ATG5: variants seen among roughly 807,000 people sequenced by gnomAD.
ATG5 encodes autophagy protein 5.
A neutral mutation model predicts 36.5 loss-of-function variants in ATG5; 14 were observed. The ratio of observed to expected loss-of-function variants is 0.38; its 90% confidence interval spans 0.25 to 0.60. The LOEUF (loss-of-function observed/expected upper bound fraction) is 0.60. Among genes scored for constraint, ATG5 ranks in the 20% least tolerant of loss-of-function variants. ATG5 has a pLI of 0.60. For synonymous variants in ATG5, 95 were observed against 101.5 expected (o/e 0.94, Z 0.38); for missense variants, 195 against 326.7 (o/e 0.60, Z 3.11).
intron 1 of ATG5, among the ~76,000 whole-genome samples, chr6:106,320,019 A>G (rs1771002112): frequency 6.6e-6 from 1 of 152,282 alleles, no homozygotes; most frequent in Non-Finnish European, 1.5e-5. Flanking sequence ...ACATTACCTC[A>G]CATGTGATAC....
chr6:106,245,571 G>A (rs978502495), intron 6 of ATG5, among the ~76,000 whole-genome samples: 9 of 152,182 alleles, frequency 5.9e-5, no homozygotes, highest in Admixed American at 2.0e-4. Context: ...TCCTAAGATG[G>A]TTTTGAGGCT....
At chr6:106,324,349 T>C (rs1771212818) in intron 1 of ATG5, among the ~76,000 whole-genome samples, 1 of 152,222 alleles carries the variant, frequency 6.6e-6, no homozygotes, top group Non-Finnish European at 1.5e-5. Flanking sequence ...GCATAGGTTA[T>C]CTGCAAACAC....
chr6:106,188,517 T>C (rs1325618359), intron 7 of ATG5, among the ~76,000 whole-genome samples: 1 of 152,130 alleles, frequency 6.6e-6, no homozygotes, highest in Non-Finnish European at 1.5e-5. Context: ...TCTAAAGCAA[T>C]ATTTAAACAT....
At chr6:106,271,884 TG>T (rs1417080956) in intron 5 of ATG5, among the ~76,000 whole-genome samples, 2 of 152,368 alleles carry the variant, frequency 1.3e-5, no homozygotes, top group African/African-American at 4.8e-5. Context: ...ATTAGTTCTC[TG>T]GAAGTGCCTA....
At chr6:106,269,602 G>A (rs377341368) in intron 5 of ATG5, among the ~76,000 whole-genome samples, 1 of 152,218 alleles carries the variant, frequency 6.6e-6, no homozygotes, top group Non-Finnish European at 1.5e-5. Context: ...CCGGTGGGCC[G>A]TCACTGCTGG....
At chr6:106,301,911 A>G (rs1770225130) in intron 3 of ATG5, among the ~76,000 whole-genome samples, 1 of 152,078 alleles carries the variant, frequency 6.6e-6, no homozygotes, top group East Asian at 1.9e-4. Context: ...TGAGATACAA[A>G]AAGGTCAAAT....
Position 106,197,774 on chromosome 6 carries a change from G to A in ATG5, c.691+4198C>T, listed in dbSNP as rs529319102. On this transcript the variant is annotated intron_variant, in intron 7 of 7. Transcript: ENST00000369076. ...TGCCCAATCTCCAGGCAGTAGAGCTGTGAGTTAAATAAACCTTTTTTCTTT... is the reference window on the plus strand; with the variant it reads ...TGCCCAATCTCCAGGCAGTAGAGCTATGAGTTAAATAAACCTTTTTTCTTT... 4.3e-4 allele frequency among the ~76,000 whole-genome samples: 65 copies of A among 152,272 alleles called. 2 individuals are homozygous for A. In the South Asian group the frequency reaches 1.0e-2, roughly 23 times the overall value.
intron 6 of ATG5, among the ~76,000 whole-genome samples, chr6:106,235,691 C>A (rs533777343): frequency 3.9e-5 from 6 of 152,150 alleles, no homozygotes; most frequent in Non-Finnish European, 7.4e-5. Context: ...GAGAGCACAG[C>A]GGGAAGGACA....
At chr6:106,307,248 G>A (rs968080307) in intron 3 of ATG5, among the ~76,000 whole-genome samples, 1 of 152,050 alleles carries the variant, frequency 6.6e-6, no homozygotes, top group Non-Finnish European at 1.5e-5. Flanking sequence ...AATATTCCCC[G>A]ATTCAGAGAG....
intron 2 of ATG5, among the ~76,000 whole-genome samples, chr6:106,309,832 T>C (rs897947273): frequency 6.6e-6 from 1 of 152,170 alleles, no homozygotes; most frequent in Non-Finnish European, 1.5e-5. Flanking sequence ...ATAAGGTCTC[T>C]TTTAGCAAAC....
Position 106,316,269 on chromosome 6 carries a change from G to A in ATG5, c.-58-3C>T. On this transcript the variant is annotated splice_polypyrimidine_tract_variant and splice_region_variant and intron_variant, in intron 1 of 7. Transcript: ENST00000369076. The stretch of plus-strand genomic sequence containing the variant: ...TTCTTATTTCAACCAAAGCCAAACT[G>A]AAAATAAAATGAAGAGCATTAGTCA... The A allele has an allele frequency of 7.6e-7, 1 of 1,315,874 alleles. No individual in the cohort carries two copies. Among genetic ancestry groups the A allele is most frequent in the Non-Finnish European group, 1.1e-6 (1 of 926,172 alleles). 81.5% of individuals were successfully genotyped at this position (1,315,874 alleles called of 1,614,324 possible).
intron 6 of ATG5, among the ~76,000 whole-genome samples, chr6:106,205,501 G>T (rs1776595089): frequency 6.6e-6 from 1 of 151,998 alleles, no homozygotes; most frequent in African/African-American, 2.4e-5. Context: ...TATAGCAAAA[G>T]ATTACATGTA....
intron 7 of ATG5, 104 bp from the exon 8 acceptor site, chr6:106,186,780 CAT>C (rs1775787667): frequency 3.0e-6 from 4 of 1,322,588 alleles, no homozygotes; most frequent in East Asian, 4.9e-5. Context: ...GGATTTTAAA[CAT>C]GTTTTGTCCC....
intron 6 of ATG5, among the ~76,000 whole-genome samples, chr6:106,230,446 A>G (rs1425601182): frequency 6.6e-6 from 1 of 152,214 alleles, no homozygotes; most frequent in Non-Finnish European, 1.5e-5. Context: ...ACTAGAATCC[A>G]GCAGCCCGGA....
rs1449461209 is a variant in ATG5 at position 106,316,039 on chromosome 6, A to C, written c.108+62T>G. On this transcript the variant is annotated intron_variant, in intron 2 of 7. Transcript: ENST00000369076. Reference sequence around the variant, plus strand: ...TACATAATGGCCTCCAAGTTCTTACAGCTTTTTCTTACAAAAATGGACAAG... The same window carrying C: ...TACATAATGGCCTCCAAGTTCTTACCGCTTTTTCTTACAAAAATGGACAAG... 7 of 1,380,140 alleles carry C rather than the reference A, an allele frequency of 5.1e-6. No homozygotes were observed. The East Asian group carries it at 1.7e-4, about 33-fold the overall frequency. The allele number at this position is 1,380,140 out of a possible 1,614,324, so 85.5% of individuals were successfully genotyped here.
intron 7 of ATG5, among the ~76,000 whole-genome samples, chr6:106,195,809 A>C (rs985054360): frequency 2.6e-5 from 1 of 37,902 alleles, no homozygotes; most frequent in Non-Finnish European, 5.6e-5. Flanking sequence ...GCTCCCCTCT[A>C]AAAAAAAAAA....
chr6:106,316,942 T>A (rs1770874551), intron 1 of ATG5, among the ~76,000 whole-genome samples: 1 of 152,166 alleles, frequency 6.6e-6, no homozygotes, highest in Admixed American at 6.5e-5. Context: ...CCTCTCTCAC[T>A]TATTCAAATC....
Position 106,316,284 on chromosome 6 carries a change from A to G in ATG5, c.-58-18T>C. 1 of 1,081,758 alleles carries G rather than the reference A, an allele frequency of 9.2e-7. No homozygotes were observed. The highest frequency in any genetic ancestry group is 1.4e-6 in the Non-Finnish European group (1 of 720,524). 67.0% of individuals were successfully genotyped at this position (1,081,758 alleles called of 1,614,324 possible). A position where few individuals can be genotyped will look rare whatever the true frequency, so the allele number is the denominator to read the frequency against. ...AAGCCAAACTGAAAATAAAATGAAG[A>G]GCATTAGTCAGATCCTTGCAACGAT... On this transcript the variant is annotated intron_variant, in intron 1 of 7. Transcript: ENST00000369076.
intron 6 of ATG5, among the ~76,000 whole-genome samples, chr6:106,207,333 T>C (rs1776672041): frequency 2.0e-5 from 3 of 152,306 alleles, no homozygotes; most frequent in Middle Eastern, 3.4e-3. Flanking sequence ...ACGAAACTTA[T>C]AAACATTTTA....
Sources: gnomAD v4.1 joint callset for allele counts (sites outside exome capture counted in the v4.1 genomes callset) on GRCh38, gnomAD v4.1.1 for gene constraint, MANE v1.5 for transcripts, NCBI Gene and HGNC (gene_info 2026-07-23, HGNC 2026-07-21) for gene names.